Variants in TASP1 observed in about 807,000 individuals in gnomAD.
The protein encoded by TASP1 is taspase 1.
Under a neutral mutation model 56.6 loss-of-function variants are expected in TASP1, and 16 were observed. That is an observed-to-expected ratio of 0.28 (90% confidence interval 0.19 to 0.43). The LOEUF (loss-of-function observed/expected upper bound fraction) is 0.43. Ranked by LOEUF, TASP1 falls within the 20% of genes least tolerant of loss-of-function variation. TASP1 has a pLI of 1.00. For synonymous variants in TASP1, 179 were observed against 184.2 expected, an observed-to-expected ratio of 0.97 and a Z score of 0.23; for missense variants, 393 against 511.6, an observed-to-expected ratio of 0.77 and a Z score of 2.24.
chr20:13,159,869 T>C, the TASP1 span: 2 of 1,228,718 alleles, frequency 1.6e-6, no homozygotes, highest in Non-Finnish European at 2.2e-6. Context: ...ACTTCAATCA[T>C]CTTCCACTTA....
chr20:13,604,553 T>G (rs2048076049), intron 4 of TASP1, among the ~76,000 whole-genome samples: 1 of 152,200 alleles, frequency 6.6e-6, no homozygotes, highest in Non-Finnish European at 1.5e-5. Flanking sequence ...TTATCCAGCC[T>G]CAGGTATTCC....
chr20:13,399,429 T>C (rs1297149093), intron 13 of TASP1, among the ~76,000 whole-genome samples: 1 of 152,218 alleles, frequency 6.6e-6, no homozygotes, highest in African/African-American at 2.4e-5. Context: ...GAACTGAGTT[T>C]CTGCTACTTC....
chr20:13,365,481 T>C, the TASP1 span, among the ~76,000 whole-genome samples: 1 of 152,228 alleles, frequency 6.6e-6, no homozygotes, highest in African/African-American at 2.4e-5. Context: ...ATATTTCAGC[T>C]TGATGTGTCA....
intron 13 of TASP1, among the ~76,000 whole-genome samples, chr20:13,391,130 C>T (rs1306712263): frequency 6.6e-6 from 1 of 152,162 alleles, no homozygotes; most frequent in African/African-American, 2.4e-5. Flanking sequence ...CACAGCAAAC[C>T]CACTGCTTGG....
intron 8 of TASP1, among the ~76,000 whole-genome samples, chr20:13,542,760 C>CA (rs1282956844): frequency 1.3e-5 from 2 of 151,296 alleles, no homozygotes; most frequent in African/African-American, 2.4e-5. Flanking sequence ...AAAATGGAAA[C>CA]AAAAAATACT....
chr20:13,622,775 T>C (rs1256666749), intron 4 of TASP1, among the ~76,000 whole-genome samples: 1 of 152,164 alleles, frequency 6.6e-6, no homozygotes, highest in Non-Finnish European at 1.5e-5. Context: ...TTCACAATAA[T>C]CCTCTCAACT....
the TASP1 span, among the ~76,000 whole-genome samples, chr20:13,319,733 C>T: frequency 1.3e-5 from 2 of 152,184 alleles, no homozygotes; most frequent in Admixed American, 1.3e-4. Context: ...GATTAACCCC[C>T]TCCCCCCTGC....
chr20:13,122,170 G>A, the TASP1 span, among the ~76,000 whole-genome samples: 1 of 152,144 alleles, frequency 6.6e-6, no homozygotes, highest in Non-Finnish European at 1.5e-5. Flanking sequence ...TATTTAGCAG[G>A]CCACCACTAG....
the TASP1 span, among the ~76,000 whole-genome samples, chr20:13,330,543 C>A: frequency 6.6e-6 from 1 of 152,124 alleles, no homozygotes; most frequent in African/African-American, 2.4e-5. Flanking sequence ...AATTGGAAAG[C>A]TTTGGCTCTT....
At chr20:13,572,685 CAAA>C (rs71188164) in intron 6 of TASP1, among the ~76,000 whole-genome samples, 3 of 84,062 alleles carry the variant, frequency 3.6e-5, no homozygotes, top group Non-Finnish European at 6.7e-5. Context: ...GACTCCATCT[CAAA>C]AAAAAAAAAA....
At chr20:13,290,924 C>T in the TASP1 span, among the ~76,000 whole-genome samples, 9 of 152,150 alleles carry the variant, frequency 5.9e-5, no homozygotes, top group African/African-American at 1.4e-4. Context: ...AATTTGAATC[C>T]GGACAGTCTG....
the TASP1 span, chr20:13,288,739 C>T: frequency 2.5e-5 from 38 of 1,505,530 alleles, no homozygotes; most frequent in Non-Finnish European, 3.3e-5. Flanking sequence ...TTTAATTTAT[C>T]ATTAAAAACT....
At chr20:13,601,917 C>T (rs544362430) in intron 4 of TASP1, among the ~76,000 whole-genome samples, 1 of 141,796 alleles carries the variant, frequency 7.1e-6, no homozygotes, top group African/African-American at 2.6e-5. Flanking sequence ...CGCTCAGTTG[C>T]CCAGGCTGGA....
At chr20:13,157,676 AT>A in the TASP1 span, among the ~76,000 whole-genome samples, 1 of 152,180 alleles carries the variant, frequency 6.6e-6, no homozygotes, top group African/African-American at 2.4e-5. Context: ...AAAAAAAAAA[AT>A]CTGGGTCACC....
At chr20:13,530,437 G>C (rs1015277763) in intron 9 of TASP1, among the ~76,000 whole-genome samples, 1 of 152,220 alleles carries the variant, frequency 6.6e-6, no homozygotes, top group Non-Finnish European at 1.5e-5. Flanking sequence ...TAAACTGGCA[G>C]ACTTGTGGGA....
At chr20:13,385,439 A>G (rs567134693), downstream of TASP1, among the ~76,000 whole-genome samples, 4 of 152,240 alleles carry the variant, frequency 2.6e-5, no homozygotes, top group East Asian at 7.7e-4. Flanking sequence ...CACTCGGAGA[A>G]TGTCCCTCCG....
At chr20:13,330,201 C>T in the TASP1 span, among the ~76,000 whole-genome samples, 6 of 152,020 alleles carry the variant, frequency 3.9e-5, no homozygotes, top group Non-Finnish European at 7.4e-5. Flanking sequence ...GTGATCTACC[C>T]GCCTCAGCCT....
At chr20:13,402,553 T>C (rs1272247607) in intron 13 of TASP1, among the ~76,000 whole-genome samples, 1 of 152,236 alleles carries the variant, frequency 6.6e-6, no homozygotes, top group Non-Finnish European at 1.5e-5. Context: ...TCTTAGTATA[T>C]AGGTTTATTG....
the TASP1 span, chr20:13,270,807 T>C: frequency 6.6e-7 from 1 of 1,516,824 alleles, no homozygotes; most frequent in Non-Finnish European, 9.0e-7. Flanking sequence ...TTCTGATGAT[T>C]CCAGTGGAAA....
Sources: allele counts gnomAD v4.1 joint callset (sites outside exome capture counted in the v4.1 genomes callset), GRCh38; gene constraint gnomAD v4.1.1; transcripts MANE v1.5; gene names NCBI Gene and HGNC (gene_info 2026-07-23, HGNC 2026-07-21).